Variants in NEBL observed in about 807,000 individuals in gnomAD.
NEBL encodes the protein LIM and SH3 protein 2.
In NEBL, 122 loss-of-function variants were observed where a neutral mutation model predicts 140.2. That is an observed-to-expected ratio of 0.87 (90% CI 0.75 to 1.01). The LOEUF (loss-of-function observed/expected upper bound fraction) is 1.01. Ranked by LOEUF, NEBL falls within the 50% of genes least tolerant of loss-of-function variation. The pLI is 0.00. For missense variants in NEBL, 1,365 were observed against 1,231.3 expected (o/e 1.11, Z -1.62); for synonymous variants, 436 against 398.9 (o/e 1.09, Z -1.11).
chr10:21,193,362 C>T (rs1158562370), intron 3 of NEBL, among the ~76,000 whole-genome samples: 1 of 152,122 alleles, frequency 6.6e-6, no homozygotes, highest in African/African-American at 2.4e-5. Context: ...GAGCCAAAAG[C>T]CTGAAATGGT....
chr10:20,864,602 C>T (rs1383035154), intron 7 of NEBL, among the ~76,000 whole-genome samples: 1 of 152,166 alleles, frequency 6.6e-6, no homozygotes, highest in Non-Finnish European at 1.5e-5. Context: ...TTCTCTGTTA[C>T]AATGCTTCTG....
chr10:21,085,172 T>C (rs1017758339), intron 2 of NEBL, among the ~76,000 whole-genome samples: 1 of 152,208 alleles, frequency 6.6e-6, no homozygotes, highest in Non-Finnish European at 1.5e-5. Context: ...CCCATTATAT[T>C]TCTCACGCTC....
chr10:21,189,725 C>T (rs535209409), intron 3 of NEBL, among the ~76,000 whole-genome samples: 4 of 152,170 alleles, frequency 2.6e-5, no homozygotes, highest in Non-Finnish European at 4.4e-5. Flanking sequence ...CCTCGGCCCC[C>T]CAAAGTGCTG....
chr10:20,808,645 A>C lies in NEBL; in HGVS notation c.2626T>G (p.Tyr876Asp), dbSNP rs1209643672. ...TGGGATCGAGACCAGTGTCGCCTAT[A>C]GTGACTCGCCTTTTCTATATTGGAG... is the stretch of plus-strand genomic sequence containing the variant. ...LHMLSEKASHYRRHWSRSHSS... is the reference protein window; with the variant it reads ...LHMLSEKASHDRRHWSRSHSS... The change falls in exon 26 of 28, where the codon TAT becomes GAT. Residue 876 changes from tyrosine (Y) to aspartate (D), a missense_variant. Around this residue, in one of 2 missense-constraint regions of NEBL, gnomAD observed 1,323 missense variants for 1,154.8 expected, o/e 1.15. Coordinates refer to ENST00000377122, the MANE Select transcript of NEBL (RefSeq NM_006393.3). 1 of 1,613,176 alleles carries C rather than the reference A, an allele frequency of 6.2e-7. No individual in the cohort carries two copies. Among genetic ancestry groups the C allele is most frequent in the Non-Finnish European group, 8.5e-7 (1 of 1,179,288 alleles).
At chr10:20,997,419 G>T (rs902427395) in intron 3 of NEBL, among the ~76,000 whole-genome samples, 7 of 123,384 alleles carry the variant, frequency 5.7e-5, no homozygotes, top group Admixed American at 3.3e-4. Flanking sequence ...TCACCATTAG[G>T]TACCCCCATC....
chr10:21,175,817 G>A (rs1195679965), upstream of NEBL, among the ~76,000 whole-genome samples: 3 of 152,308 alleles, frequency 2.0e-5, no homozygotes, highest in South Asian at 2.1e-4. Flanking sequence ...TCGCCTGAAA[G>A]GCAGTAGTTT....
rs538982403 is a variant in NEBL, at chr10:21,022,638, G to C, written c.165-2437C>G. On this transcript the variant is annotated intron_variant, in intron 2 of 6. Coordinates refer to the NEBL transcript ENST00000417816. ...TACACAATTTTCCTGCCTTCTTAGA[G>C]TATAAACGAATCTAGTTATATTTTT... Among the ~76,000 whole-genome samples, 16 of 152,246 alleles carry C rather than the reference G, an allele frequency of 1.1e-4. No homozygotes were observed. The South Asian group carries it at 3.3e-3, about 32-fold the overall frequency.
chr10:20,908,197 C>A (rs1358222169), intron 4 of NEBL, among the ~76,000 whole-genome samples: 1 of 152,174 alleles, frequency 6.6e-6, no homozygotes, highest in African/African-American at 2.4e-5. Context: ...TGATAACTTG[C>A]CCAAGTTCTC....
intron 3 of NEBL, among the ~76,000 whole-genome samples, chr10:21,192,353 G>A (rs1841587287): frequency 1.3e-5 from 2 of 151,306 alleles, no homozygotes; most frequent in Admixed American, 6.6e-5. Context: ...CACCACGCCT[G>A]GCTAATTTTT....
chr10:21,144,103 G>C (rs1458987736), intron 2 of NEBL, among the ~76,000 whole-genome samples: 8 of 152,242 alleles, frequency 5.3e-5, no homozygotes, highest in Admixed American at 4.6e-4. Flanking sequence ...CTGCAGCACT[G>C]TTTGTGCCCT....
chr10:21,193,191 G>T (rs1841601173), intron 3 of NEBL, among the ~76,000 whole-genome samples: 1 of 152,172 alleles, frequency 6.6e-6, no homozygotes, highest in Non-Finnish European at 1.5e-5. Flanking sequence ...ATGGGAGAGA[G>T]AAGGTAGAAA....
intron 2 of NEBL, among the ~76,000 whole-genome samples, chr10:21,154,217 G>A (rs771148370): frequency 6.6e-6 from 1 of 151,968 alleles, no homozygotes; most frequent in Non-Finnish European, 1.5e-5. Context: ...CCAGCACTTT[G>A]GAAGGCCGAA....
At chr10:21,095,465 A>G (rs766803832) in intron 2 of NEBL, among the ~76,000 whole-genome samples, 6 of 152,256 alleles carry the variant, frequency 3.9e-5, no homozygotes, top group Admixed American at 6.5e-5. Flanking sequence ...TGCTGAGTTA[A>G]GGGTGTTAAA....
chr10:20,887,934 GCAA>G (rs1846671600), intron 4 of NEBL, among the ~76,000 whole-genome samples, 160 bp downstream of exon 4: 1 of 152,126 alleles, frequency 6.6e-6, no homozygotes, highest in Middle Eastern at 3.2e-3. Context: ...TTCATTTTCT[GCAA>G]TTTCAACAGC....
intron 1 of NEBL, among the ~76,000 whole-genome samples, chr10:21,286,906 C>T (rs765034690): frequency 5.9e-5 from 9 of 151,620 alleles, no homozygotes; most frequent in Admixed American, 3.3e-4. Context: ...GACAATTTGA[C>T]CTTTGTTCAC....
Position 21,181,639 on chromosome 10 carries a change from C to T in NEBL, n.349-9162G>A, listed in dbSNP as rs16921655. On this transcript the variant is annotated intron_variant and non_coding_transcript_variant, in intron 3 of 8. Coordinates refer to the NEBL transcript ENST00000675702. The stretch of plus-strand genomic sequence containing the variant: ...ATCTCTGACCTTTCCGGGTGAGCTT[C>T]TTGCGACACCACGTGCTGCTTTTCA... Among the ~76,000 whole-genome samples, 295 of 152,344 alleles carry T rather than the reference C, an allele frequency of 1.9e-3. 4 individuals are homozygous for T. In the East Asian group the frequency reaches 0.03, roughly 16 times the overall value.
intron 14 of NEBL, among the ~76,000 whole-genome samples, chr10:20,832,325 A>G (rs1051941019): frequency 7.9e-5 from 12 of 152,184 alleles, no homozygotes; most frequent in African/African-American, 2.9e-4. Flanking sequence ...CTACCTAAGA[A>G]CTGCAAGCTG....
chr10:20,893,582 A>G (rs1462148653), intron 2 of NEBL, among the ~76,000 whole-genome samples: 1 of 152,182 alleles, frequency 6.6e-6, no homozygotes, highest in Non-Finnish European at 1.5e-5. Context: ...TGAAAAACGG[A>G]CATTTCTCTC....
At chr10:21,072,916 A>G (rs1455770178) in intron 2 of NEBL, among the ~76,000 whole-genome samples, 1 of 152,132 alleles carries the variant, frequency 6.6e-6, no homozygotes, top group East Asian at 1.9e-4. Flanking sequence ...GCTTAAACCC[A>G]GGAGGTGGAG....
Sources: gnomAD v4.1 joint callset for allele counts (sites outside exome capture counted in the v4.1 genomes callset) on GRCh38, gnomAD v4.1.1 for gene constraint, gnomAD v4.1.1 regional missense constraint, MANE v1.5 for transcripts, NCBI Gene and HGNC (gene_info 2026-07-23, HGNC 2026-07-21) for gene names.